Variants in PDS5B observed in about 807,000 individuals in gnomAD.
PDS5B encodes the protein PDS5 cohesin associated factor B.
A neutral mutation model predicts 184.1 loss-of-function variants in PDS5B; 51 were observed. That is an observed-to-expected ratio of 0.28 (90% CI 0.22 to 0.35). PDS5B has a LOEUF of 0.35. PDS5B is among the 10% of genes least tolerant of loss of function. PDS5B has a pLI of 1.00. For missense variants in PDS5B, 1,180 were observed against 1,723.3 expected (o/e 0.68, Z 5.58); for synonymous variants, 566 against 569.2 (o/e 0.99, Z 0.08).
At chr13:32,629,730 G>A (rs888590313) in intron 1 of PDS5B, among the ~76,000 whole-genome samples, 2 of 152,188 alleles carry the variant, frequency 1.3e-5, no homozygotes, top group Non-Finnish European at 2.9e-5. Flanking sequence ...GAAGTTGAGT[G>A]TGCCTCTGTG....
rs575037436 is a variant in PDS5B, at chr13:32,629,240, C to A, written c.-19-19514C>A. Among the ~76,000 whole-genome samples the A allele has an allele frequency of 2.4e-3, 361 of 152,058 alleles. 1 individual carries two copies. The highest frequency in any genetic ancestry group is 8.0e-3 in the African/African-American group (330 of 41,496). Reference sequence around the variant, plus strand: ...CATGATTAAAATAAGTTTGAAGAATCATTGCTCCGAGTTGTTCGATTTTTT... The same window carrying A: ...CATGATTAAAATAAGTTTGAAGAATAATTGCTCCGAGTTGTTCGATTTTTT... On this transcript the variant is annotated intron_variant, in intron 1 of 34. Transcript: ENST00000315596.
intron 1 of PDS5B, among the ~76,000 whole-genome samples, chr13:32,609,389 C>T (rs1363186657): frequency 1.3e-5 from 2 of 151,876 alleles, no homozygotes; most frequent in African/African-American, 4.8e-5. Flanking sequence ...TATTAGAGTT[C>T]TTACTTCTGC....
intron 1 of PDS5B, among the ~76,000 whole-genome samples, chr13:32,637,660 G>A (rs1050021272): frequency 8.5e-5 from 13 of 152,126 alleles, no homozygotes; most frequent in Non-Finnish European, 1.8e-4. Context: ...TGGAGGTTGA[G>A]TAGAAGAGAA....
At chr13:32,645,570 GTTATA>G (rs1484722671) in intron 1 of PDS5B, among the ~76,000 whole-genome samples, 2 of 152,138 alleles carry the variant, frequency 1.3e-5, no homozygotes, top group African/African-American at 4.8e-5. Flanking sequence ...ATTTTCAAAT[GTTATA>G]TTATCAAATT....
At chr13:32,635,205 T>G (rs1252292909) in intron 1 of PDS5B, among the ~76,000 whole-genome samples, 2 of 54,942 alleles carry the variant, frequency 3.6e-5, no homozygotes, top group Non-Finnish European at 7.5e-5. Flanking sequence ...TTTTTTTTTT[T>G]TTTTTTTTTT....
intron 13 of PDS5B, among the ~76,000 whole-genome samples, chr13:32,693,656 A>T (rs1951617132): frequency 1.3e-5 from 2 of 149,812 alleles, no homozygotes; most frequent in Admixed American, 1.3e-4. Context: ...TATTCTCTAT[A>T]TGTTAATATT....
chr13:32,660,998 A>T (rs1363605484), intron 6 of PDS5B, among the ~76,000 whole-genome samples: 2 of 152,234 alleles, frequency 1.3e-5, no homozygotes, highest in Non-Finnish European at 2.9e-5. Flanking sequence ...TTTAAAAAAA[A>T]TTATAAATAC....
intron 24 of PDS5B, 73 bp from the exon 25 acceptor site, chr13:32,753,259 G>C: frequency 7.8e-7 from 1 of 1,275,072 alleles, no homozygotes. Flanking sequence ...ACTTAAAATA[G>C]CAAATTTTAT....
Position 32,620,446 on chromosome 13 carries a change from A to G in PDS5B, c.-19-28308A>G, listed in dbSNP as rs973664111. ...GCCGAGGCGGGCGGATCACGAGGTC[A>G]GGAGATCGAGACCATCCTGTAAATG... On this transcript the variant is annotated intron_variant, in intron 1 of 34. Coordinates refer to ENST00000315596, the MANE Select transcript of PDS5B (RefSeq NM_015032.4). 4.6e-5 allele frequency among the ~76,000 whole-genome samples: 7 copies of G among 152,130 alleles called. No individual in the cohort carries two copies. The East Asian group carries it at 1.2e-3, about 25-fold the overall frequency.
intron 2 of PDS5B, chr13:32,649,833 A>G (rs1003736560): frequency 6.6e-6 from 1 of 152,160 alleles, no homozygotes; most frequent in African/African-American, 2.4e-5. Flanking sequence ...AAATTTACTA[A>G]TAGGTGGATA....
intron 23 of PDS5B, among the ~76,000 whole-genome samples, chr13:32,743,348 A>G (rs1409455538): frequency 6.6e-6 from 1 of 152,018 alleles, no homozygotes; most frequent in Non-Finnish European, 1.5e-5. Context: ...AATTATGTGT[A>G]CCTGGCTCAT....
chr13:32,759,608 T>G lies in PDS5B; in HGVS notation c.3310-20T>G. 7.0e-7 allele frequency: 1 copy of G among 1,428,348 alleles called. No individual in the cohort carries two copies. The allele number at this position is 1,428,348 out of a possible 1,614,324, so 88.5% of individuals were successfully genotyped here. A position where few individuals can be genotyped will look rare whatever the true frequency, so the allele number is the denominator to read the frequency against. ...AGTGTTTTAATATTCACTGACTACT[T>G]CTTTTTCTCTTGGTTGTAGAATTTC... On this transcript the variant is annotated intron_variant, in intron 28 of 34. Coordinates refer to ENST00000315596, the MANE Select transcript of PDS5B (RefSeq NM_015032.4).
intron 8 of PDS5B, among the ~76,000 whole-genome samples, chr13:32,675,246 A>T (rs1041816349): frequency 6.6e-6 from 1 of 152,192 alleles, no homozygotes; most frequent in Non-Finnish European, 1.5e-5. Flanking sequence ...GAAGTGCCAA[A>T]ATCAATAGTA....
intron 5 of PDS5B, 112 bp downstream of exon 5, chr13:32,658,643 C>A: frequency 1.8e-6 from 1 of 566,780 alleles, no homozygotes; most frequent in Non-Finnish European, 3.2e-6. Flanking sequence ...AGAGATGTAA[C>A]TTTTAACACA....
intron 19 of PDS5B, among the ~76,000 whole-genome samples, chr13:32,722,603 A>G (rs1334602614): frequency 6.6e-6 from 1 of 152,250 alleles, no homozygotes; most frequent in Non-Finnish European, 1.5e-5. Context: ...GAAATCATCC[A>G]GTGATGCATT....
intron 6 of PDS5B, among the ~76,000 whole-genome samples, chr13:32,662,710 A>G (rs1029985942): frequency 2.0e-5 from 3 of 152,148 alleles, no homozygotes; most frequent in African/African-American, 4.8e-5. Context: ...TCAAGGAGTA[A>G]TAAAAACATG....
intron 1 of PDS5B, among the ~76,000 whole-genome samples, chr13:32,616,060 T>TC (rs1193414410): frequency 2.7e-5 from 4 of 145,962 alleles, no homozygotes; most frequent in East Asian, 2.0e-4. Context: ...TCTCTCTCTC[T>TC]TTTTTTTTTT....
chr13:32,639,446 A>G (rs2058620128), intron 1 of PDS5B, among the ~76,000 whole-genome samples: 1 of 152,240 alleles, frequency 6.6e-6, no homozygotes. Flanking sequence ...TTGAATTAAT[A>G]AAGATTAATT....
intron 1 of PDS5B, among the ~76,000 whole-genome samples, chr13:32,599,729 A>G (rs930547521): frequency 7.3e-5 from 11 of 151,570 alleles, no homozygotes; most frequent in African/African-American, 2.7e-4. Flanking sequence ...CCTGGCTAAC[A>G]TGGTGAAACC....
Sources: allele counts gnomAD v4.1 joint callset (sites outside exome capture counted in the v4.1 genomes callset), GRCh38; gene constraint gnomAD v4.1.1; transcripts MANE v1.5; gene names NCBI Gene and HGNC (gene_info 2026-07-23, HGNC 2026-07-21).